IBTK: variants seen among roughly 807,000 people sequenced by gnomAD.
IBTK encodes the protein BTK-binding protein.
Under a neutral mutation model 154.9 loss-of-function variants are expected in IBTK, and 83 were observed. That is an observed-to-expected ratio of 0.54 (90% CI 0.45 to 0.64). The LOEUF (loss-of-function observed/expected upper bound fraction) is 0.64, where lower values mean the gene tolerates loss of function less well. Among genes scored for constraint, IBTK ranks in the 30% least tolerant of loss-of-function variants. IBTK has a pLI of 0.00. For synonymous variants in IBTK, 515 were observed against 536.1 expected (o/e 0.96, Z 0.54); for missense variants, 1,332 against 1,584.6 (o/e 0.84, Z 2.71).
chr6:82,221,682 A>G (rs999709982), intron 8 of IBTK, among the ~76,000 whole-genome samples: 1 of 152,128 alleles, frequency 6.6e-6, no homozygotes, highest in African/African-American at 2.4e-5. Context: ...TCCTTAATGT[A>G]CTCTTGGATA....
chr6:82,191,573 T>C, intron 24 of IBTK: 1 of 628,874 alleles, frequency 1.6e-6, no homozygotes, highest in Middle Eastern at 4.2e-4. Flanking sequence ...TGGGATGTAA[T>C]ACTGTATTCT....
At chr6:82,185,144 C>T (rs926736841) in intron 25 of IBTK, among the ~76,000 whole-genome samples, 6 of 137,380 alleles carry the variant, frequency 4.4e-5, no homozygotes, top group East Asian at 2.1e-4. Flanking sequence ...GATTGCGCCA[C>T]GGCACTGCAG....
intron 2 of IBTK, among the ~76,000 whole-genome samples, chr6:82,239,210 G>A (rs1256658386): frequency 6.6e-6 from 1 of 151,984 alleles, no homozygotes; most frequent in Non-Finnish European, 1.5e-5. Context: ...GGGAGGCCGA[G>A]GTGGGTGGAT....
rs746731704 is a variant in IBTK at position 82,202,489 on chromosome 6, C to T, written c.2729+39G>A. The T allele has an allele frequency of 8.7e-6, 9 of 1,036,208 alleles. No homozygotes were observed. In the East Asian group the frequency reaches 1.7e-4, roughly 19 times the overall value. 64.2% of individuals were successfully genotyped at this position (1,036,208 alleles called of 1,614,324 possible). A position where few individuals can be genotyped will look rare whatever the true frequency, so the allele number is the denominator to read the frequency against. On this transcript the variant is annotated intron_variant, in intron 18 of 28. Coordinates refer to ENST00000306270, the MANE Select transcript of IBTK (RefSeq NM_015525.4). The stretch of plus-strand genomic sequence containing the variant: ...TATCTGCTATTATATATAAATATCT[C>T]CTTTTGCAACAATCTTACAACATAT...
At chr6:82,193,320 A>G (rs1169831219) in intron 23 of IBTK, among the ~76,000 whole-genome samples, 1 of 152,166 alleles carries the variant, frequency 6.6e-6, no homozygotes, top group African/African-American at 2.4e-5. Flanking sequence ...TATCTTGTAG[A>G]CCAGGGTATT....
chr6:82,216,153 AAAGGT>A lies in IBTK; in HGVS notation c.1519_1523del (p.Thr507CysfsTer3). ...TGCTGACACTAACAGCTCTATGTGC[AAAGGT>A]AAGTTTCTCAAGTCGAATTCTTTCA... On this transcript the variant is annotated frameshift_variant, in exon 11 of 29. Coordinates refer to ENST00000306270, the MANE Select transcript of IBTK (RefSeq NM_015525.4). LOFTEE classifies it high-confidence loss of function. 1 of 1,613,782 alleles carries A rather than the reference AAAGGT, an allele frequency of 6.2e-7. No homozygotes were observed. The highest frequency in any genetic ancestry group is 1.1e-5 in the South Asian group (1 of 91,000).
chr6:82,205,022 T>A lies in IBTK; in HGVS notation c.2510-64A>T, dbSNP rs529699542. 79 of 904,066 alleles carry A rather than the reference T, an allele frequency of 8.7e-5. No homozygotes were observed. The African/African-American group carries it at 8.8e-4, about 10-fold the overall frequency. 56.0% of individuals were successfully genotyped at this position (904,066 alleles called of 1,614,324 possible). ...TATACATTATACCTAGAAAAAAAAATTTGAAGTAATTAGTACACTAGAAAA... is the reference window on the plus strand; with the variant it reads ...TATACATTATACCTAGAAAAAAAAAATTGAAGTAATTAGTACACTAGAAAA... On this transcript the variant is annotated intron_variant, in intron 16 of 28. Coordinates refer to ENST00000306270, the MANE Select transcript of IBTK (RefSeq NM_015525.4).
chr6:82,202,543 G>T lies in IBTK; in HGVS notation c.2714C>A (p.Ala905Asp). ...CCTCACCTACCTTGCTTCAAGTAAAGCTGCCATATTCAATCCTATAAACTG... is the reference window on the plus strand; with the variant it reads ...CCTCACCTACCTTGCTTCAAGTAAATCTGCCATATTCAATCCTATAAACTG... ...CLQFIGLNMAALLEARSLDVL... is the reference protein window; with the variant it reads ...CLQFIGLNMADLLEARSLDVL... Residue 905 changes from alanine to aspartate, a missense_variant, in exon 18 of 29, where the codon GCT becomes GAT. This residue lies in a region of IBTK where 1,134 missense variants were observed against 1,274.7 expected (regional missense o/e 0.89). Coordinates refer to ENST00000306270, the MANE Select transcript of IBTK (RefSeq NM_015525.4). The T allele has an allele frequency of 6.3e-7, 1 of 1,598,914 alleles. No homozygotes were observed. Among genetic ancestry groups the T allele is most frequent in the Non-Finnish European group, 8.6e-7 (1 of 1,169,398 alleles).
At chr6:82,221,935 T>C (rs1467980868) in intron 8 of IBTK, among the ~76,000 whole-genome samples, 1 of 152,062 alleles carries the variant, frequency 6.6e-6, no homozygotes, top group Non-Finnish European at 1.5e-5. Flanking sequence ...GAGGCCAAGG[T>C]GGGCGAATCA....
At chr6:82,219,352 G>A (rs1488355154) in intron 9 of IBTK, among the ~76,000 whole-genome samples, 1 of 152,058 alleles carries the variant, frequency 6.6e-6, no homozygotes, top group Non-Finnish European at 1.5e-5. Context: ...TAATGACCCA[G>A]TATGTGGAGC....
At chr6:82,197,246 C>T (rs1262811929) in intron 21 of IBTK, among the ~76,000 whole-genome samples, 1 of 152,018 alleles carries the variant, frequency 6.6e-6, no homozygotes, top group Admixed American at 6.6e-5. Context: ...AAAATAAAAC[C>T]TACCATCTCT....
At chr6:82,247,079 G>A (rs1334062458) in intron 1 of IBTK, among the ~76,000 whole-genome samples, 2 of 152,048 alleles carry the variant, frequency 1.3e-5, no homozygotes, top group African/African-American at 4.8e-5. Context: ...CCTCCAAAAA[G>A]AATCAGTTCC....
chr6:82,190,358 G>C (rs994059634), intron 25 of IBTK, among the ~76,000 whole-genome samples: 1 of 152,128 alleles, frequency 6.6e-6, no homozygotes, highest in Non-Finnish European at 1.5e-5. Context: ...GTGAGAGAAA[G>C]AGAGTTCTAC....
intron 1 of IBTK, among the ~76,000 whole-genome samples, chr6:82,245,670 A>T (rs1452231004): frequency 6.6e-6 from 1 of 152,192 alleles, no homozygotes; most frequent in Non-Finnish European, 1.5e-5. Flanking sequence ...CCATTCCAAA[A>T]TTTCTAAATA....
At chr6:82,182,417 AAG>A (rs1245990411) in intron 25 of IBTK, among the ~76,000 whole-genome samples, 1 of 152,016 alleles carries the variant, frequency 6.6e-6, no homozygotes, top group African/African-American at 2.4e-5. Context: ...GTATAGATGG[AAG>A]AGTCGGTAAA....
At chr6:82,176,354 G>A (rs1235682967) in intron 26 of IBTK, among the ~76,000 whole-genome samples, 1 of 151,442 alleles carries the variant, frequency 6.6e-6, no homozygotes, top group Non-Finnish European at 1.5e-5. Context: ...AACCCTGTCT[G>A]TATTAAAAAT....
intron 1 of IBTK, among the ~76,000 whole-genome samples, chr6:82,242,950 A>C (rs1320423285): frequency 5.0e-5 from 7 of 141,204 alleles, no homozygotes; most frequent in African/African-American, 1.9e-4. Context: ...ACAAAACAAA[A>C]CAAAACAAAA....
chr6:82,204,999 T>C (rs779357144), intron 16 of IBTK, 41 bp from the exon 17 acceptor site: 3 of 1,326,080 alleles, frequency 2.3e-6, no homozygotes, highest in Non-Finnish European at 3.2e-6. Context: ...TTTCTTTGTA[T>C]ACATTATACC....
At chr6:82,190,647 A>T (rs1370641781) in intron 25 of IBTK, among the ~76,000 whole-genome samples, 1 of 152,178 alleles carries the variant, frequency 6.6e-6, no homozygotes, top group Non-Finnish European at 1.5e-5. Context: ...ATATTTATGG[A>T]GCATGCAGAA....
Sources: gnomAD v4.1 joint callset for allele counts (sites outside exome capture counted in the v4.1 genomes callset) on GRCh38, gnomAD v4.1.1 for gene constraint, gnomAD v4.1.1 regional missense constraint, MANE v1.5 for transcripts, NCBI Gene and HGNC (gene_info 2026-07-23, HGNC 2026-07-21) for gene names.